SUMF1: variants seen among roughly 807,000 people sequenced by gnomAD.
SUMF1 encodes the protein sulfatase modifying factor 1, also known as formylglycine-generating enzyme.
SUMF1 carries 48 observed loss-of-function variants against 47.6 expected under a neutral mutation model. That is an observed-to-expected ratio of 1.01 (90% CI 0.80 to 1.28). The LOEUF (loss-of-function observed/expected upper bound fraction) is 1.28, where lower values mean the gene tolerates loss of function less well. SUMF1 is among the 50% of genes most tolerant of loss of function. The probability of loss-of-function intolerance (pLI) is 0.00; values close to 1 mark genes in which losing one functional copy is unlikely to be tolerated. For missense variants in SUMF1, 571 were observed against 485.4 expected (o/e 1.18, Z -1.66); for synonymous variants, 230 against 192.1 (o/e 1.20, Z -1.63).
At chr3:4,426,701 G>C (rs1253306000) in intron 3 of SUMF1, among the ~76,000 whole-genome samples, 1 of 152,210 alleles carries the variant, frequency 6.6e-6, no homozygotes, top group East Asian at 1.9e-4. Flanking sequence ...AGCAGCATGA[G>C]TGGACTGGCA....
At chr3:4,102,429 C>A (rs182040247) in intron 8 of SUMF1, among the ~76,000 whole-genome samples, 1 of 152,164 alleles carries the variant, frequency 6.6e-6, no homozygotes, top group African/African-American at 2.4e-5. Flanking sequence ...CCTGAAATCC[C>A]ACAATAGCAG....
At chr3:4,078,469 T>C (rs905936414) in intron 8 of SUMF1, among the ~76,000 whole-genome samples, 1 of 152,118 alleles carries the variant, frequency 6.6e-6, no homozygotes, top group Non-Finnish European at 1.5e-5. Context: ...CAATTTAGAG[T>C]TCTTTCTGAT....
intron 8 of SUMF1, among the ~76,000 whole-genome samples, chr3:4,251,853 AG>A (rs1176500371): frequency 6.6e-6 from 1 of 152,256 alleles, no homozygotes; most frequent in African/African-American, 2.4e-5. Flanking sequence ...GTTAATTATT[AG>A]AATTTTTTTT....
At chr3:4,340,040 T>C (rs1316112870) in intron 8 of SUMF1, among the ~76,000 whole-genome samples, 1 of 152,000 alleles carries the variant, frequency 6.6e-6, no homozygotes, top group South Asian at 2.1e-4. Flanking sequence ...ATCGCACCAC[T>C]GCACTCCAGC....
At chr3:4,379,135 T>C (rs1700419601) in intron 7 of SUMF1, among the ~76,000 whole-genome samples, 2 of 152,172 alleles carry the variant, frequency 1.3e-5, no homozygotes, top group Admixed American at 6.5e-5. Context: ...CTAAAACTGT[T>C]TGAAATGCTT....
intron 8 of SUMF1, among the ~76,000 whole-genome samples, chr3:4,096,847 T>A (rs1293846975): frequency 1.3e-5 from 2 of 152,066 alleles, no homozygotes; most frequent in African/African-American, 4.8e-5. Context: ...CACTATTTAG[T>A]TCTAATTGAG....
chr3:4,363,935 G>C (rs373814064), intron 8 of SUMF1, among the ~76,000 whole-genome samples: 101 of 145,584 alleles, frequency 6.9e-4, no homozygotes, highest in Non-Finnish European at 1.0e-3. Flanking sequence ...TAGCATGAAG[G>C]GTTGTTGAAT....
intron 7 of SUMF1, among the ~76,000 whole-genome samples, chr3:4,405,437 A>C (rs1254473310): frequency 6.6e-6 from 1 of 152,180 alleles, no homozygotes; most frequent in Non-Finnish European, 1.5e-5. Context: ...CCAAGGCTAG[A>C]GGGCAGTGGT....
chr3:4,452,799 A>C lies in SUMF1; in HGVS notation c.444+77T>G. 2 of 1,549,418 alleles carry C rather than the reference A, an allele frequency of 1.3e-6. 1 individual carries two copies. The highest frequency in any genetic ancestry group is 2.2e-5 in the South Asian group (2 of 89,368). On this transcript the variant is annotated intron_variant, in intron 2 of 8. Transcript: ENST00000272902. The stretch of plus-strand genomic sequence containing the variant: ...CAGAATGCAGTAAAAATGGTCAGTC[A>C]ATCTTAGCTGCTATTAAAGCATTCT...
intron 8 of SUMF1, among the ~76,000 whole-genome samples, chr3:4,192,683 T>C (rs1046136736): frequency 2.6e-5 from 4 of 152,138 alleles, no homozygotes; most frequent in African/African-American, 9.7e-5. Flanking sequence ...ATGAGGTAAC[T>C]CAGGATGGGT....
At chr3:4,423,937 C>G (rs891757098) in intron 3 of SUMF1, among the ~76,000 whole-genome samples, 10 of 152,202 alleles carry the variant, frequency 6.6e-5, no homozygotes, top group Admixed American at 6.5e-4. Context: ...GATCGAAAGG[C>G]CTGAGGCCTC....
chr3:4,333,736 G>A (rs1575106077), intron 8 of SUMF1, among the ~76,000 whole-genome samples: 1 of 152,068 alleles, frequency 6.6e-6, no homozygotes, highest in East Asian at 1.9e-4. Context: ...AGATCGCAAA[G>A]AAGAAGGAGG....
chr3:4,316,811 T>A, intron 8 of SUMF1: 2 of 1,550,714 alleles, frequency 1.3e-6, no homozygotes, highest in Non-Finnish European at 1.7e-6. Context: ...GGTCTGCTGC[T>A]GGTCTGATCC....
In SUMF1 at chr3:4,178,101, C is replaced by T. The variant is rs116589939; in HGVS notation, c.1015-109356G>A. On this transcript the variant is annotated intron_variant and NMD_transcript_variant, in intron 8 of 12. Coordinates refer to the SUMF1 transcript ENST00000448413. Reference sequence around the variant, plus strand: ...GACCAGACAGATTCACAGTGTAATTCTACCAGAGGTACAAAGAGGAGTTAG... The same window carrying T: ...GACCAGACAGATTCACAGTGTAATTTTACCAGAGGTACAAAGAGGAGTTAG... 6.7e-3 allele frequency among the ~76,000 whole-genome samples: 1,025 copies of T among 152,238 alleles called. 11 individuals carry two copies. Among genetic ancestry groups the T allele is most frequent in the African/African-American group, 0.023 (971 of 41,542 alleles).
At chr3:4,097,715 C>T (rs756042980) in intron 8 of SUMF1, among the ~76,000 whole-genome samples, 1 of 152,144 alleles carries the variant, frequency 6.6e-6, no homozygotes, top group Non-Finnish European at 1.5e-5. Context: ...CAATGTGCCA[C>T]ATTTATTCTG....
chr3:4,377,431 G>C (rs1700364547), intron 7 of SUMF1, among the ~76,000 whole-genome samples: 1 of 152,170 alleles, frequency 6.6e-6, no homozygotes, highest in Admixed American at 6.6e-5. Flanking sequence ...CTTGGAGGTA[G>C]GTTAAGTTAC....
chr3:4,279,942 A>G (rs1187837811), intron 8 of SUMF1, among the ~76,000 whole-genome samples: 1 of 152,198 alleles, frequency 6.6e-6, no homozygotes, highest in Non-Finnish European at 1.5e-5. Context: ...TAGTCAAGCT[A>G]ACTTTAAAGA....
At chr3:4,066,165 C>T (rs1269452955) in intron 9 of SUMF1, among the ~76,000 whole-genome samples, 2 of 151,982 alleles carry the variant, frequency 1.3e-5, no homozygotes, top group African/African-American at 4.8e-5. Flanking sequence ...CAACACTCCC[C>T]CAGGAACCCT....
rs996709989 is a variant in SUMF1, at chr3:4,196,416, A to G, written c.1015-127671T>C. ...GGGGAAGCTTTCCTCCCTATACCAGACTTGGTACACAGTGAGTGCACTGCA... is the reference window on the plus strand; with the variant it reads ...GGGGAAGCTTTCCTCCCTATACCAGGCTTGGTACACAGTGAGTGCACTGCA... On this transcript the variant is annotated intron_variant and NMD_transcript_variant, in intron 8 of 12. Transcript: ENST00000448413. Among the ~76,000 whole-genome samples the G allele has an allele frequency of 3.9e-5, 6 of 152,170 alleles. No individual in the cohort carries two copies. The South Asian group carries it at 6.2e-4, about 16-fold the overall frequency.
Sources: gnomAD v4.1 joint callset for allele counts (sites outside exome capture counted in the v4.1 genomes callset) on GRCh38, gnomAD v4.1.1 for gene constraint, MANE v1.5 for transcripts, NCBI Gene and HGNC (gene_info 2026-07-23, HGNC 2026-07-21) for gene names.